The following HEATR1 variants were observed in gnomAD, a reference collection of about 807,000 sequenced individuals.
HEATR1 encodes HEAT repeat-containing protein 1.
A neutral mutation model predicts 248.2 loss-of-function variants in HEATR1; 77 were observed. That is an observed-to-expected ratio of 0.31 (90% CI 0.26 to 0.37). The LOEUF (loss-of-function observed/expected upper bound fraction) is 0.37. HEATR1 is among the 10% of genes least tolerant of loss of function. HEATR1 has a pLI of 1.00. For synonymous variants in HEATR1, 897 were observed against 923.1 expected (o/e 0.97, Z 0.51); for missense variants, 2,420 against 2,504.9 (o/e 0.97, Z 0.72).
At position 236,571,642 on chromosome 1, in the gene HEATR1, G is replaced by A. The variant is rs898489518; in HGVS notation, c.3752C>T (p.Thr1251Ile). Reference protein sequence around the residue: ...LPQEQGNMEYTKQLILSCLLN... With the variant: ...LPQEQGNMEYIKQLILSCLLN... ...CAGACAACTAAGAATTAATTGTTTG[G>A]TGTATTCCATATTTCCCTGCTCTTG... The change falls in exon 27 of 45, where the codon ACC (threonine) becomes ATC (isoleucine). Residue 1251 changes from threonine (T) to isoleucine (I), a missense_variant. By Grantham distance (89) the Thr-to-Ile change is moderately conservative (BLOSUM62 -1). Coordinates refer to ENST00000366582, the MANE Select transcript of HEATR1 (RefSeq NM_018072.6). The A allele has an allele frequency of 1.2e-6, 2 of 1,613,934 alleles. No individual in the cohort carries two copies. Among genetic ancestry groups the A allele is most frequent in the Non-Finnish European group, 1.7e-6 (2 of 1,179,936 alleles).
chr1:236,587,466 C>A lies in HEATR1; in HGVS notation c.1651G>T (p.Glu551Ter). ...FEIFKEHFSS[E>*]VTISNLLNLF... ...TTCAGAAGATTTGAAATCGTCACTTCTGAACTGAAGTGTTCTTTGAAAATC... is the reference window on the plus strand; with the variant it reads ...TTCAGAAGATTTGAAATCGTCACTTATGAACTGAAGTGTTCTTTGAAAATC... Residue 551 changes from glutamate (E) to a stop codon, truncating the protein, a stop_gained, in exon 14 of 45, where the codon GAA becomes TAA. Coordinates refer to ENST00000366582, the MANE Select transcript of HEATR1 (RefSeq NM_018072.6). LOFTEE classifies it high-confidence loss of function. The A allele has an allele frequency of 6.5e-7, 1 of 1,536,260 alleles. No individual in the cohort carries two copies. Among genetic ancestry groups the A allele is most frequent in the Non-Finnish European group, 8.8e-7 (1 of 1,135,846 alleles).
intron 20 of HEATR1, among the ~76,000 whole-genome samples, chr1:236,578,140 C>T (rs564111242): frequency 3.9e-5 from 6 of 152,120 alleles, no homozygotes; most frequent in Non-Finnish European, 8.8e-5. Context: ...ATCATATGTA[C>T]CTCATGCTTT....
chr1:236,591,752 AACAAT>A, intron 11 of HEATR1, among the ~76,000 whole-genome samples: 1 of 152,318 alleles, frequency 6.6e-6, no homozygotes, highest in Non-Finnish European at 1.5e-5. Flanking sequence ...AAAATTCTCA[AACAAT>A]ACTTTTCCTG....
Position 236,592,095 on chromosome 1 carries a change from T to A in HEATR1, c.1320A>T (p.Leu440Phe), listed in dbSNP as rs547451139. The A allele has an allele frequency of 1.9e-6, 3 of 1,579,654 alleles. No individual in the cohort carries two copies. Among genetic ancestry groups the A allele is most frequent in the Non-Finnish European group, 2.6e-6 (3 of 1,152,554 alleles). Residue 440 changes from leucine to phenylalanine, a missense_variant, in exon 11 of 45, where the codon TTA becomes TTT. Physicochemically the swap from Leu to Phe is conservative, Grantham distance 22. Transcript: ENST00000366582. ...TTAAGTGTTCCTCTAATACAACATC[T>A]AATGTTCTGGGGTATCTGGGAAGCA... ...RLLESKYPRT[L>F]DVVLEEHLKE...
At chr1:236,601,692 G>C (rs192840156) in intron 3 of HEATR1, among the ~76,000 whole-genome samples, 2,649 of 151,538 alleles carry the variant, frequency 0.017, 16 homozygotes, top group Middle Eastern at 0.075. Flanking sequence ...AAAAAACTAG[G>C]TGGGCATGGT....
rs1020511627 is a variant in HEATR1 at position 236,555,647 on chromosome 1, C to T, written c.5658G>A (p.Leu1886=). ...DFRAQHSEND[L]EEVGKTENCI... ...AATTTTCCGTTTTTCCAACTTCCTC[C>T]AGATCGTTCTGAAAACAGAAGAGCC... The change falls in exon 40 of 45, where the codon CTG becomes CTA. Residue 1886 remains leucine (L), a synonymous_variant. Coordinates refer to ENST00000366582, the MANE Select transcript of HEATR1 (RefSeq NM_018072.6). 1.2e-6 allele frequency: 2 copies of T among 1,614,200 alleles called. No homozygotes were observed. The highest frequency in any genetic ancestry group is 1.7e-5 in the Admixed American group (1 of 60,024).
At chr1:236,565,140 T>C (rs1663235370) in intron 31 of HEATR1, among the ~76,000 whole-genome samples, 1 of 152,128 alleles carries the variant, frequency 6.6e-6, no homozygotes, top group South Asian at 2.1e-4. Flanking sequence ...CTGCCAAACC[T>C]GAGCTGACTG....
rs779027115 is a variant in HEATR1, at chr1:236,592,030, T to C, written c.1385A>G (p.Gln462Arg). ...TCCACTTGTAGAAAGAGAAACAAAC[T>C]GATGGAAAAGCTCTTGTTTTTTCAG... ...ADLKKQELFH[Q>R]FVSLSTSGGK... Residue 462 changes from glutamine (Q) to arginine (R), a missense_variant, in exon 11 of 45, where the codon CAG becomes CGG. Physicochemically the swap from Gln to Arg is conservative, Grantham distance 43. Transcript: ENST00000366582. The C allele has an allele frequency of 6.2e-7, 1 of 1,607,228 alleles. No individual in the cohort carries two copies. The highest frequency in any genetic ancestry group is 1.1e-5 in the South Asian group (1 of 90,420).
intron 32 of HEATR1, among the ~76,000 whole-genome samples, chr1:236,562,453 A>G (rs1488021385): frequency 6.6e-6 from 1 of 152,146 alleles, no homozygotes; most frequent in Non-Finnish European, 1.5e-5. Context: ...CTTTTCCCCA[A>G]ATGGGAAACA....
rs41308194 is a variant in HEATR1, at chr1:236,585,828, A to C, written c.2041T>G (p.Leu681Val). 0.013 allele frequency: 20,981 copies of C among 1,612,234 alleles called. 162 individuals are homozygous for C. The highest frequency in any genetic ancestry group is 0.016 in the Non-Finnish European group (19,347 of 1,178,520). The change falls in exon 16 of 45, where the codon TTA (leucine) becomes GTA (valine). Residue 681 changes from leucine (L) to valine (V), a missense_variant. Transcript: ENST00000366582. Reference sequence around the variant, plus strand: ...TTTCAAAGCATACTTACCATCTTTAACATTGAAGAAGGATCTCCTAAATTT... The same window carrying C: ...TTTCAAAGCATACTTACCATCTTTACCATTGAAGAAGGATCTCCTAAATTT... The part of the protein sequence containing the change: ...NINLGDPSSM[L>V]KMVEDLISVG...
chr1:236,603,736 T>G (rs1467385632), intron 2 of HEATR1, among the ~76,000 whole-genome samples: 1 of 152,104 alleles, frequency 6.6e-6, no homozygotes, highest in East Asian at 1.9e-4. Flanking sequence ...TAATTTTGTT[T>G]CTTCATCTGT....
At chr1:236,603,623 C>T (rs946622432) in intron 2 of HEATR1, among the ~76,000 whole-genome samples, 1 of 141,904 alleles carries the variant, frequency 7.0e-6, no homozygotes, top group African/African-American at 2.6e-5. Context: ...ATATCCCCTA[C>T]AATAACTAGG....
In HEATR1 at chr1:236,550,538, G is replaced by A; in HGVS notation, c.*364C>T. 1 of 188,318 alleles carries A rather than the reference G, an allele frequency of 5.3e-6. No homozygotes were observed. The highest frequency in any genetic ancestry group is 1.1e-5 in the Non-Finnish European group (1 of 92,240). 11.7% of individuals were successfully genotyped at this position (188,318 alleles called of 1,614,324 possible). On this transcript the variant is annotated 3_prime_UTR_variant, in exon 45 of 45. Coordinates refer to ENST00000366582, the MANE Select transcript of HEATR1 (RefSeq NM_018072.6). ...ATGGATACCATGTATGTAAGATACT[G>A]CTGTACAGAAGAGTTAAGGCTTACA...
intron 29 of HEATR1, among the ~76,000 whole-genome samples, chr1:236,567,378 T>C (rs1021113057): frequency 6.6e-6 from 1 of 152,214 alleles, no homozygotes; most frequent in African/African-American, 2.4e-5. Context: ...AAGTGTACGA[T>C]ATGAGCCCTG....
chr1:236,572,007 T>TACACAC (rs762042200), intron 26 of HEATR1, among the ~76,000 whole-genome samples: 1 of 152,030 alleles, frequency 6.6e-6, no homozygotes, highest in Non-Finnish European at 1.5e-5. Context: ...ATACTCAATT[T>TACACAC]ACACACACAC....
In HEATR1 at chr1:236,599,624, C is replaced by T. The variant is rs200399414; in HGVS notation, c.360G>A (p.Arg120=). The T allele has an allele frequency of 2.1e-5, 34 of 1,599,150 alleles. No individual in the cohort carries two copies. The East Asian group carries it at 3.4e-4, about 16-fold the overall frequency. The change falls in exon 4 of 45, where the codon AGG becomes AGA. Residue 120 remains arginine (R), a splice_region_variant and synonymous_variant. Coordinates refer to ENST00000366582, the MANE Select transcript of HEATR1 (RefSeq NM_018072.6). ...CTTGATTATAGAGATGTATATGGAA[C>T]CTGGGGAAAAAAAGCAAACAGTCCA... ...AQKCLEWLIH[R]FHIHLYNQDS...
chr1:236,566,768 G>A lies in HEATR1; in HGVS notation c.4186C>T (p.Leu1396=), dbSNP rs149431050. Residue 1396 remains leucine (L), a synonymous_variant, in exon 30 of 45, where the codon CTG becomes TTG. Transcript: ENST00000366582. ...ALPHVPEHRR[L]PILVQLVDTL... is the part of the protein sequence containing the mutation. The stretch of plus-strand genomic sequence containing the variant: ...TCAACAAGTTGAACAAGGATGGGCA[G>A]GCGCCTGTGCTCCGGGACGTGTGGC... 33 of 1,614,026 alleles carry A rather than the reference G, an allele frequency of 2.0e-5. No homozygotes were observed. The African/African-American group carries it at 4.1e-4, about 20-fold the overall frequency.
chr1:236,597,466 T>C (rs948100322), intron 5 of HEATR1, among the ~76,000 whole-genome samples: 1 of 152,134 alleles, frequency 6.6e-6, no homozygotes, highest in Admixed American at 6.6e-5. Context: ...TTGGCCAGGC[T>C]GGTCTCAAAC....
intron 20 of HEATR1, among the ~76,000 whole-genome samples, chr1:236,578,107 T>A: frequency 6.6e-6 from 1 of 152,198 alleles, no homozygotes; most frequent in East Asian, 1.9e-4. Context: ...AGAAAGTACC[T>A]CTCTCTATAT....
Sources: allele counts gnomAD v4.1 joint callset (sites outside exome capture counted in the v4.1 genomes callset), GRCh38; gene constraint gnomAD v4.1.1; transcripts MANE v1.5; gene names NCBI Gene and HGNC (gene_info 2026-07-23, HGNC 2026-07-21).